Variants in NDUFS1 observed in about 807,000 individuals in gnomAD.
The protein encoded by NDUFS1 is NADH:ubiquinone oxidoreductase core subunit S1.
A neutral mutation model predicts 84.4 loss-of-function variants in NDUFS1; 61 were observed. That is an observed-to-expected ratio of 0.72 (90% CI 0.59 to 0.89). NDUFS1 has a LOEUF of 0.89. Ranked by LOEUF, NDUFS1 falls within the 40% of genes least tolerant of loss-of-function variation. NDUFS1 has a pLI of 0.00. For missense variants in NDUFS1, 891 were observed against 890.0 expected (o/e 1.00, Z -0.01); for synonymous variants, 275 against 290.0 (o/e 0.95, Z 0.53).
At chr2:206,153,762 A>G in intron 1 of NDUFS1, 80 bp from the exon 2 acceptor site, 1 of 742,882 alleles carries the variant, frequency 1.3e-6, no homozygotes, top group East Asian at 2.7e-5. Context: ...ATGGCTTTAA[A>G]TTATTTCACA....
chr2:206,133,199 T>C (rs1006770739), intron 13 of NDUFS1, 94 bp from the exon 14 acceptor site: 2 of 1,030,226 alleles, frequency 1.9e-6, no homozygotes, highest in African/African-American at 3.3e-5. Context: ...TTGTCCCAAG[T>C]CTTAGGTGTA....
rs910731900 is a variant in NDUFS1, at chr2:206,121,397, T to C, written c.*2788A>G. ...AGTATTTGGCATTACGACACTAATA[T>C]GTGCCCATGAGACAGACGGAGCACT... On this transcript the variant is annotated 3_prime_UTR_variant, in exon 19 of 19. Transcript: ENST00000233190. 5.3e-5 allele frequency: 8 copies of C among 152,236 alleles called. No individual in the cohort carries two copies. The highest frequency in any genetic ancestry group is 1.2e-4 in the Non-Finnish European group (8 of 68,032). 9.4% of individuals were successfully genotyped at this position (152,236 alleles called of 1,614,324 possible).
chr2:206,150,784 G>T (rs1692343636), intron 3 of NDUFS1, among the ~76,000 whole-genome samples: 1 of 152,172 alleles, frequency 6.6e-6, no homozygotes, highest in South Asian at 2.1e-4. Context: ...AAATTCAAAT[G>T]ATTTCTCTCC....
chr2:206,148,599 G>A (rs11904048), intron 5 of NDUFS1, among the ~76,000 whole-genome samples: 3,410 of 152,210 alleles, frequency 0.022, 126 homozygotes, highest in African/African-American at 0.078. Context: ...GCCCAGCCTG[G>A]ACAACATAGT....
chr2:206,135,491 G>A (rs1691671886), intron 13 of NDUFS1, among the ~76,000 whole-genome samples: 1 of 151,854 alleles, frequency 6.6e-6, no homozygotes, highest in African/African-American at 2.4e-5. Context: ...TGGCCAACAT[G>A]GTGAAACCCT....
At position 206,127,987 on chromosome 2, in the gene NDUFS1, A is replaced by C. The variant is rs775903153; in HGVS notation, c.1709-15T>G. The C allele has an allele frequency of 2.3e-5, 37 of 1,613,690 alleles. No individual in the cohort carries two copies. Among genetic ancestry groups the C allele is most frequent in the Non-Finnish European group, 3.1e-5 (37 of 1,179,808 alleles). ...ACCATGATGTCCTGCACAAAGATGG[A>C]AAATGGTAAACCAAAATTTTATTAA... On this transcript the variant is annotated splice_polypyrimidine_tract_variant and intron_variant, in intron 15 of 18. Coordinates refer to ENST00000233190, the MANE Select transcript of NDUFS1 (RefSeq NM_005006.7).
At chr2:206,132,454 G>T (rs904070420) in intron 14 of NDUFS1, among the ~76,000 whole-genome samples, 1 of 152,098 alleles carries the variant, frequency 6.6e-6, no homozygotes, top group Non-Finnish European at 1.5e-5. Context: ...TGTGGCATGC[G>T]CCTGTAGCTT....
Position 206,138,560 on chromosome 2 carries a change from A to G in NDUFS1, c.1317T>C (p.Thr439=). 6.2e-7 allele frequency: 1 copy of G among 1,613,908 alleles called. No homozygotes were observed. Among genetic ancestry groups the G allele is most frequent in the Non-Finnish European group, 8.5e-7 (1 of 1,179,812 alleles). ...AGTCTCCCAGGTGGTCATATGTGTA[A>G]GTGAGGTCCACTGGACTGCCTATAA... ...VALIGSPVDL[T]YTYDHLGDSP... The change falls in exon 13 of 19, where the codon ACT becomes ACC. Residue 439 remains threonine (T), a synonymous_variant. Coordinates refer to ENST00000233190, the MANE Select transcript of NDUFS1 (RefSeq NM_005006.7).
At chr2:206,124,433 C>T (rs1048356086) in intron 18 of NDUFS1, among the ~76,000 whole-genome samples, 157 bp from the exon 19 acceptor site, 2 of 152,072 alleles carry the variant, frequency 1.3e-5, no homozygotes, top group Non-Finnish European at 1.5e-5. Context: ...AACGATAAAC[C>T]CCTTACTGGC....
intron 12 of NDUFS1, among the ~76,000 whole-genome samples, chr2:206,139,482 C>G (rs763405233): frequency 6.6e-6 from 1 of 152,004 alleles, no homozygotes; most frequent in Non-Finnish European, 1.5e-5. Flanking sequence ...CCACTGTGCC[C>G]GGCCTAAAAA....
Position 206,124,292 on chromosome 2 carries a change from A to G in NDUFS1, c.2093-16T>C, listed in dbSNP as rs1691197869. On this transcript the variant is annotated splice_polypyrimidine_tract_variant and intron_variant, in intron 18 of 18. Coordinates refer to ENST00000233190, the MANE Select transcript of NDUFS1 (RefSeq NM_005006.7). ...CTAATTGAATCTGAAAGATATTAAG[A>G]AAATGTCATTTTGATAATACAACTT... 6.3e-7 allele frequency: 1 copy of G among 1,577,656 alleles called. No homozygotes were observed. The highest frequency in any genetic ancestry group is 1.4e-5 in the African/African-American group (1 of 74,060).
chr2:206,125,339 A>G (rs2105941830), intron 18 of NDUFS1, among the ~76,000 whole-genome samples: 1 of 152,002 alleles, frequency 6.6e-6, no homozygotes, highest in Non-Finnish European at 1.5e-5. Context: ...GTATGCGCCT[A>G]TAGTCCTAGC....
intron 10 of NDUFS1, 40 bp from the exon 11 acceptor site, chr2:206,142,871 C>A: frequency 6.2e-7 from 1 of 1,611,832 alleles, no homozygotes; most frequent in Non-Finnish European, 8.5e-7. Flanking sequence ...GAAACCTACA[C>A]GCAGCAAAGA....
intron 1 of NDUFS1, 176 bp downstream of exon 1, chr2:206,159,165 T>C (rs1282092739): frequency 1.3e-6 from 2 of 1,535,472 alleles, no homozygotes; most frequent in Non-Finnish European, 1.7e-6. Flanking sequence ...CCAGAGACCG[T>C]GGCTAAAAGC....
At chr2:206,142,119 C>T in intron 11 of NDUFS1, 50 bp from the exon 12 acceptor site, 1 of 1,480,310 alleles carries the variant, frequency 6.8e-7, no homozygotes, top group Non-Finnish European at 9.4e-7. Context: ...TTAAGACATA[C>T]AGAGAATCCA....
Position 206,127,637 on chromosome 2 carries a change from T to C in NDUFS1, c.1884+160A>G. 5.1e-6 allele frequency: 4 copies of C among 777,206 alleles called. No individual in the cohort carries two copies. In the South Asian group the frequency reaches 6.9e-5, roughly 13 times the overall value. 48.1% of individuals were successfully genotyped at this position (777,206 alleles called of 1,614,324 possible). A position where few individuals can be genotyped will look rare whatever the true frequency, so the allele number is the denominator to read the frequency against. On this transcript the variant is annotated intron_variant, in intron 16 of 18. Transcript: ENST00000233190. ...GGTGCAATGAGAGCTCACTGTAACC[T>C]TGAATTCCTGTTTCTGAATACATGT...
intron 5 of NDUFS1, among the ~76,000 whole-genome samples, chr2:206,148,749 G>A (rs1329090324): frequency 6.6e-6 from 1 of 152,114 alleles, no homozygotes; most frequent in South Asian, 2.1e-4. Flanking sequence ...TAGTATAGTA[G>A]TAGCTTAGTA....
chr2:206,150,133 G>C (rs1282500092), intron 3 of NDUFS1, among the ~76,000 whole-genome samples: 1 of 151,960 alleles, frequency 6.6e-6, no homozygotes, highest in East Asian at 1.9e-4. Context: ...GAGGATCTCA[G>C]GATCCTTGGC....
At chr2:206,125,406 A>C (rs1691251403) in intron 18 of NDUFS1, among the ~76,000 whole-genome samples, 1 of 151,976 alleles carries the variant, frequency 6.6e-6, no homozygotes, top group African/African-American at 2.4e-5. Flanking sequence ...AGGTTGCAGC[A>C]AGCCAAGATT....
Sources: allele counts gnomAD v4.1 joint callset (sites outside exome capture counted in the v4.1 genomes callset), GRCh38; gene constraint gnomAD v4.1.1; transcripts MANE v1.5; gene names NCBI Gene and HGNC (gene_info 2026-07-23, HGNC 2026-07-21).